Variants in GABRR2 observed in about 807,000 individuals in gnomAD.
GABRR2 encodes gamma-aminobutyric acid type A receptor subunit rho2, also known as gamma-aminobutyric acid receptor subunit rho-2.
A neutral mutation model predicts 47.0 loss-of-function variants in GABRR2; 36 were observed. The observed-to-expected ratio is 0.77, with a 90% CI of 0.59 to 1.01. The LOEUF is 1.01. Ranked by LOEUF, GABRR2 falls within the 50% of genes least tolerant of loss-of-function variation. The pLI is 0.00. For synonymous variants in GABRR2, 204 were observed against 227.5 expected (o/e 0.90, Z 0.93); for missense variants, 587 against 594.6 (o/e 0.99, Z 0.13).
At chr6:89,302,673 G>A (rs1767476921) in intron 1 of GABRR2, 3 of 1,300,440 alleles carry the variant, frequency 2.3e-6, no homozygotes, top group South Asian at 1.2e-5. Context: ...GGCTGCCCGC[G>A]ACCGGCACCA....
intron 2 of GABRR2, among the ~76,000 whole-genome samples, chr6:89,287,650 T>C (rs1774355364): frequency 6.6e-6 from 1 of 152,174 alleles, no homozygotes; most frequent in Admixed American, 6.5e-5. Context: ...AGGTGGGTGC[T>C]GATATCACCC....
intron 2 of GABRR2, among the ~76,000 whole-genome samples, chr6:89,272,950 C>T (rs1202401367): frequency 1.3e-5 from 2 of 152,174 alleles, no homozygotes; most frequent in East Asian, 1.9e-4. Context: ...GAGATGGCCT[C>T]GCTGACTCCC....
chr6:89,311,073 T>C (rs1303108804), intron 1 of GABRR2, among the ~76,000 whole-genome samples: 1 of 152,106 alleles, frequency 6.6e-6, no homozygotes, highest in East Asian at 1.9e-4. Context: ...CACTGATCTC[T>C]TCCTCAAGCC....
At chr6:89,284,568 T>C (rs549788068) in intron 2 of GABRR2, among the ~76,000 whole-genome samples, 48 of 152,126 alleles carry the variant, frequency 3.2e-4, no homozygotes, top group Non-Finnish European at 5.9e-4. Flanking sequence ...TTAAGCAACT[T>C]AGCCCGCTGT....
intron 2 of GABRR2, among the ~76,000 whole-genome samples, chr6:89,287,574 C>T (rs549809460): frequency 6.6e-5 from 10 of 152,358 alleles, no homozygotes; most frequent in Admixed American, 2.0e-4. Flanking sequence ...ACACTGGCTG[C>T]GCTGGCCAGG....
At position 89,299,098 on chromosome 6, in the gene GABRR2, A is replaced by G. The variant is rs1449423175; in HGVS notation, c.220+661T>C. Among the ~76,000 whole-genome samples the G allele has an allele frequency of 2.0e-5, 3 of 152,294 alleles. No individual in the cohort carries two copies. The East Asian group carries it at 5.8e-4, about 29-fold the overall frequency. On this transcript the variant is annotated intron_variant, in intron 2 of 8. Transcript: ENST00000402938. ...GCCAGAACTGACTAAGACACTGTCC[A>G]CCTTCTCCATAGCATTTCTCTAGTT...
Position 89,264,579 on chromosome 6 carries a change from T to A in GABRR2, c.919A>T (p.Ile307Phe). 6.2e-7 allele frequency: 1 copy of A among 1,614,180 alleles called. No homozygotes were observed. The highest frequency in any genetic ancestry group is 8.5e-7 in the Non-Finnish European group (1 of 1,180,028). The change falls in exon 8 of 9, where the codon ATC (isoleucine) becomes TTC (phenylalanine). Residue 307 changes from isoleucine (I) to phenylalanine (F), a missense_variant. By Grantham distance (21) the Ile-to-Phe change is conservative. Transcript: ENST00000402938. Reference sequence around the variant, plus strand: ...ATGGAGGCATTCACGCCCGTGATGATGGTGGTCATGGTCAGCACCGTCGTG... The same window carrying A: ...ATGGAGGCATTCACGCCCGTGATGAAGGTGGTCATGGTCAGCACCGTCGTG... ...GITTVLTMTT[I>F]ITGVNASMPR... is the part of the protein sequence containing the mutation.
chr6:89,314,187 T>C (rs1767724449), intron 1 of GABRR2, among the ~76,000 whole-genome samples: 1 of 152,222 alleles, frequency 6.6e-6, no homozygotes, highest in Non-Finnish European at 1.5e-5. Context: ...GGGACTGACC[T>C]AGAAAATGTG....
chr6:89,265,551 G>A, intron 7 of GABRR2, 62 bp downstream of exon 7: 1 of 1,518,748 alleles, frequency 6.6e-7, no homozygotes, highest in South Asian at 1.3e-5. Context: ...TTTACTTTTT[G>A]TAAACATAGT....
Position 89,315,045 on chromosome 6 carries a change from G to C in GABRR2, c.113+8C>G. 2 of 1,611,580 alleles carry C rather than the reference G, an allele frequency of 1.2e-6. No homozygotes were observed. Among genetic ancestry groups the C allele is most frequent in the Non-Finnish European group, 1.7e-6 (2 of 1,178,374 alleles). On this transcript the variant is annotated splice_region_variant and intron_variant, in intron 1 of 8. Coordinates refer to ENST00000402938, the MANE Select transcript of GABRR2 (RefSeq NM_002043.5). ...GTAACCTCCCTCCTTTCCCACCTAT[G>C]ACTTTACCTTGGCTTGGGCATTTCC...
intron 2 of GABRR2, among the ~76,000 whole-genome samples, chr6:89,276,217 C>A (rs1005262216): frequency 2.4e-4 from 36 of 149,720 alleles, no homozygotes; most frequent in African/African-American, 8.8e-4. Flanking sequence ...AAGGCATACA[C>A]AATAACCAGC....
At chr6:89,278,394 C>T (rs898178250) in intron 2 of GABRR2, among the ~76,000 whole-genome samples, 2 of 152,204 alleles carry the variant, frequency 1.3e-5, no homozygotes, top group African/African-American at 4.8e-5. Flanking sequence ...TCACTGTACA[C>T]TTGTTTAGCG....
intron 1 of GABRR2, among the ~76,000 whole-genome samples, chr6:89,306,910 C>A (rs888303523): frequency 1.4e-5 from 2 of 147,728 alleles, no homozygotes; most frequent in Non-Finnish European, 3.0e-5. Context: ...AGTACGTTAC[C>A]TGTTCCTCTT....
chr6:89,287,646 G>A (rs1774355236), intron 2 of GABRR2, among the ~76,000 whole-genome samples: 1 of 152,230 alleles, frequency 6.6e-6, no homozygotes, highest in South Asian at 2.1e-4. Context: ...GCTAAGGTGG[G>A]TGCTGATATC....
chr6:89,271,451 A>G (rs182938586), intron 3 of GABRR2, among the ~76,000 whole-genome samples: 1 of 152,322 alleles, frequency 6.6e-6, no homozygotes, highest in Admixed American at 6.5e-5. Flanking sequence ...TGGGGCCCAG[A>G]AACCCACATT....
At chr6:89,259,908 G>GT (rs1429933987) in intron 8 of GABRR2, among the ~76,000 whole-genome samples, 390 of 118,890 alleles carry the variant, frequency 3.3e-3, no homozygotes, top group African/African-American at 9.3e-3. Context: ...TGTTTTTTTT[G>GT]TTTTTTTTGT....
At chr6:89,301,856 G>A (rs1767446829) in intron 1 of GABRR2, 4 of 1,144,450 alleles carry the variant, frequency 3.5e-6, no homozygotes, top group Non-Finnish European at 5.3e-6. Context: ...GAAGTCATCA[G>A]TGATGAGCAT....
intron 1 of GABRR2, chr6:89,302,881 G>A: frequency 3.3e-6 from 4 of 1,223,848 alleles, no homozygotes; most frequent in Non-Finnish European, 4.6e-6. Flanking sequence ...AACAGCACGG[G>A]CATCCAGGAG....
chr6:89,306,253 T>C (rs767962604), intron 1 of GABRR2, among the ~76,000 whole-genome samples: 10 of 151,906 alleles, frequency 6.6e-5, no homozygotes, highest in Non-Finnish European at 1.3e-4. Flanking sequence ...GGCATATGCC[T>C]CTGGTCCCAG....
Sources: allele counts gnomAD v4.1 joint callset (sites outside exome capture counted in the v4.1 genomes callset), GRCh38; gene constraint gnomAD v4.1.1; transcripts MANE v1.5; gene names NCBI Gene and HGNC (gene_info 2026-07-23, HGNC 2026-07-21).